LAMA2: variants seen among roughly 807,000 people sequenced by gnomAD.
The protein encoded by LAMA2 is laminin subunit alpha 2.
In LAMA2, 269 loss-of-function variants were observed where a neutral mutation model predicts 364.8. The ratio of observed to expected loss-of-function variants is 0.74; its 90% CI spans 0.67 to 0.82. The LOEUF (loss-of-function observed/expected upper bound fraction) is 0.82. Among genes scored for constraint, LAMA2 ranks in the 40% least tolerant of loss-of-function variants. The pLI, the probability that LAMA2 is intolerant of heterozygous loss-of-function variation, is 0.00. For missense variants in LAMA2, 3,807 were observed against 3,873.2 expected, an observed-to-expected ratio of 0.98 and a Z score of 0.45; for synonymous variants, 1,379 against 1,370.6, an observed-to-expected ratio of 1.01 and a Z score of -0.14.
intron 30 of LAMA2, among the ~76,000 whole-genome samples, chr6:129,348,048 A>G (rs1274523623): frequency 6.6e-6 from 1 of 152,178 alleles, no homozygotes; most frequent in East Asian, 1.9e-4. Flanking sequence ...GTGTTCGCGT[A>G]TGCGTGCATG....
intron 12 of LAMA2, among the ~76,000 whole-genome samples, chr6:129,227,769 G>T (rs1028272050): frequency 1.3e-5 from 2 of 152,184 alleles, no homozygotes; most frequent in East Asian, 1.9e-4. Flanking sequence ...AGGCTATTCA[G>T]GGCTCAGGGA....
intron 1 of LAMA2, among the ~76,000 whole-genome samples, chr6:128,902,305 C>A (rs1162373846): frequency 6.6e-6 from 1 of 152,156 alleles, no homozygotes; most frequent in African/African-American, 2.4e-5. Context: ...CTTTCCTATT[C>A]CCTTTAAATA....
At chr6:129,310,712 G>A (rs1432071949) in intron 22 of LAMA2, among the ~76,000 whole-genome samples, 1 of 152,056 alleles carries the variant, frequency 6.6e-6, no homozygotes, top group Non-Finnish European at 1.5e-5. Flanking sequence ...AGGTACAGAA[G>A]AGCAGCTACT....
intron 4 of LAMA2, among the ~76,000 whole-genome samples, chr6:129,128,227 T>C (rs1369909706): frequency 6.6e-6 from 1 of 152,232 alleles, no homozygotes; most frequent in Non-Finnish European, 1.5e-5. Context: ...GATACCTAGT[T>C]TCCCCAACAC....
At chr6:128,963,856 A>C (rs1363261420) in intron 1 of LAMA2, among the ~76,000 whole-genome samples, 1 of 152,134 alleles carries the variant, frequency 6.6e-6, no homozygotes, top group East Asian at 1.9e-4. Flanking sequence ...TAATCATCTG[A>C]ATAGTCTAAA....
chr6:129,268,192 T>C (rs1787645151), intron 16 of LAMA2, among the ~76,000 whole-genome samples: 1 of 152,150 alleles, frequency 6.6e-6, no homozygotes, highest in Admixed American at 6.5e-5. Flanking sequence ...TTCCCTTTTC[T>C]CTATATAAGA....
chr6:128,986,083 A>G (rs754728051), intron 1 of LAMA2, among the ~76,000 whole-genome samples: 2 of 152,164 alleles, frequency 1.3e-5, no homozygotes, highest in South Asian at 4.1e-4. Context: ...TGCTTTTTGT[A>G]TCTCTATGAA....
chr6:129,274,697 T>C (rs1206398711), intron 17 of LAMA2, among the ~76,000 whole-genome samples: 1 of 152,034 alleles, frequency 6.6e-6, no homozygotes, highest in East Asian at 1.9e-4. Flanking sequence ...TTTATGGTGA[T>C]CACTATGCTT....
chr6:129,069,794 C>A, intron 3 of LAMA2, among the ~76,000 whole-genome samples: 1 of 146,606 alleles, frequency 6.8e-6, no homozygotes, highest in African/African-American at 2.5e-5. Context: ...TAATTATATA[C>A]AATATAATAA....
intron 16 of LAMA2, 40 bp downstream of exon 16, chr6:129,267,259 T>C: frequency 7.8e-7 from 1 of 1,289,446 alleles, no homozygotes; most frequent in Non-Finnish European, 1.1e-6. Context: ...TTGACAAGGC[T>C]GAAATCACCT....
At chr6:129,136,296 A>G (rs1469003819) in intron 4 of LAMA2, among the ~76,000 whole-genome samples, 1 of 152,186 alleles carries the variant, frequency 6.6e-6, no homozygotes, top group Non-Finnish European at 1.5e-5. Context: ...CAGGACGACC[A>G]CCAGAGGCTT....
intron 35 of LAMA2, among the ~76,000 whole-genome samples, chr6:129,386,913 C>T (rs780096220): frequency 4.6e-5 from 7 of 152,096 alleles, no homozygotes; most frequent in Non-Finnish European, 7.3e-5. Context: ...CAACAAAAAG[C>T]TGGCCATGGA....
At chr6:129,146,845 G>T in intron 5 of LAMA2, 114 bp from the exon 6 acceptor site, 1 of 764,948 alleles carries the variant, frequency 1.3e-6, no homozygotes, top group Admixed American at 1.8e-5. Context: ...AAACACAAAT[G>T]TCCTTCAAAC....
At chr6:129,036,741 C>T (rs1267479775) in intron 1 of LAMA2, among the ~76,000 whole-genome samples, 1 of 151,980 alleles carries the variant, frequency 6.6e-6, no homozygotes, top group Non-Finnish European at 1.5e-5. Context: ...TGGTACAAGA[C>T]AAATTGAAAG....
At chr6:129,219,431 G>T (rs907008208) in intron 12 of LAMA2, among the ~76,000 whole-genome samples, 6 of 151,614 alleles carry the variant, frequency 4.0e-5, no homozygotes, top group African/African-American at 1.5e-4. Flanking sequence ...ATTCCTCAGG[G>T]ATCTAGAACT....
At chr6:129,148,345 G>A (rs1027457994) in intron 6 of LAMA2, among the ~76,000 whole-genome samples, 1 of 152,034 alleles carries the variant, frequency 6.6e-6, no homozygotes, top group African/African-American at 2.4e-5. Context: ...ACACACCAGG[G>A]CCTATCAGAT....
rs1327532640 is a variant in LAMA2 at position 128,961,537 on chromosome 6, G to A, written c.112+78180G>A. Among the ~76,000 whole-genome samples the A allele has an allele frequency of 2.7e-5, 4 of 149,778 alleles. No individual in the cohort carries two copies. The East Asian group carries it at 6.0e-4, about 22-fold the overall frequency. ...TCTGGGTCCCAAAACTGAAGAACTTGGAGTCTGATGTTTGAGGACAGGAAG... is the reference window on the plus strand; with the variant it reads ...TCTGGGTCCCAAAACTGAAGAACTTAGAGTCTGATGTTTGAGGACAGGAAG... On this transcript the variant is annotated intron_variant, in intron 1 of 64. Coordinates refer to ENST00000421865, the MANE Select transcript of LAMA2 (RefSeq NM_000426.4).
At chr6:129,229,279 T>G (rs1784521922) in intron 12 of LAMA2, among the ~76,000 whole-genome samples, 1 of 152,128 alleles carries the variant, frequency 6.6e-6, no homozygotes, top group Non-Finnish European at 1.5e-5. Context: ...ATATAGAATA[T>G]TAGGTCAGAG....
chr6:129,289,715 G>T (rs1199763622), intron 19 of LAMA2, among the ~76,000 whole-genome samples: 2 of 151,658 alleles, frequency 1.3e-5, no homozygotes, highest in African/African-American at 4.8e-5. Flanking sequence ...ATTTTATTAT[G>T]GTAATTTATT....
Sources: allele counts gnomAD v4.1 joint callset (sites outside exome capture counted in the v4.1 genomes callset), GRCh38; gene constraint gnomAD v4.1.1; transcripts MANE v1.5; gene names NCBI Gene and HGNC (gene_info 2026-07-23, HGNC 2026-07-21).